CD247: variants seen among roughly 807,000 people sequenced by gnomAD.
CD247 encodes T-cell surface glycoprotein CD3 zeta chain.
Under a neutral mutation model 30.0 loss-of-function variants are expected in CD247, and 13 were observed. That is an observed-to-expected ratio of 0.43 (90% CI 0.28 to 0.69). CD247 has a LOEUF of 0.69. Ranked by LOEUF, CD247 falls within the 30% of genes least tolerant of loss-of-function variation. The pLI is 0.16. For missense variants in CD247, 193 were observed against 212.6 expected, an observed-to-expected ratio of 0.91 and a Z score of 0.57; for synonymous variants, 72 against 80.0, an observed-to-expected ratio of 0.90 and a Z score of 0.53.
At chr1:167,464,945 A>G (rs1489713971) in intron 1 of CD247, among the ~76,000 whole-genome samples, 1 of 152,142 alleles carries the variant, frequency 6.6e-6, no homozygotes, top group African/African-American at 2.4e-5. Flanking sequence ...ACAAAAAAAA[A>G]CTGCAGCAAC....
At chr1:167,497,961 C>T (rs1236689310) in intron 1 of CD247, among the ~76,000 whole-genome samples, 1 of 152,194 alleles carries the variant, frequency 6.6e-6, no homozygotes, top group Non-Finnish European at 1.5e-5. Flanking sequence ...ACGGCTTGAC[C>T]TCGGACTGTC....
intron 1 of CD247, among the ~76,000 whole-genome samples, chr1:167,462,135 A>T (rs1172061550): frequency 1.3e-5 from 2 of 152,214 alleles, no homozygotes; most frequent in Admixed American, 1.3e-4. Context: ...CCCAACCTGC[A>T]TGGAGCCCAG....
At chr1:167,509,602 C>T (rs1417894502) in intron 1 of CD247, among the ~76,000 whole-genome samples, 1 of 152,128 alleles carries the variant, frequency 6.6e-6, no homozygotes, top group Non-Finnish European at 1.5e-5. Context: ...TTTCCGCTGA[C>T]AGATAAATGT....
intron 3 of CD247, 110 bp from the exon 4 acceptor site, chr1:167,438,760 G>A (rs1651671167): frequency 7.0e-6 from 6 of 851,196 alleles, no homozygotes; most frequent in Non-Finnish European, 1.2e-5. Context: ...ATAAAAAGAG[G>A]GGCAGGGGCT....
At chr1:167,497,543 T>C (rs988914732) in intron 1 of CD247, among the ~76,000 whole-genome samples, 8 of 152,194 alleles carry the variant, frequency 5.3e-5, no homozygotes, top group African/African-American at 1.7e-4. Flanking sequence ...ATTACTACTT[T>C]CAGGGGGAGC....
At chr1:167,504,547 C>A (rs1287280102) in intron 1 of CD247, among the ~76,000 whole-genome samples, 1 of 152,244 alleles carries the variant, frequency 6.6e-6, no homozygotes, top group African/African-American at 2.4e-5. Flanking sequence ...AGTCTTCTCT[C>A]CCCAGCTGGC....
intron 1 of CD247, among the ~76,000 whole-genome samples, chr1:167,441,277 T>A (rs1213179330): frequency 4.6e-5 from 7 of 152,304 alleles, no homozygotes; most frequent in African/African-American, 1.7e-4. Context: ...GAATCTGGGT[T>A]AACTCTCCCC....
intron 1 of CD247, among the ~76,000 whole-genome samples, chr1:167,515,237 G>T (rs1194513976): frequency 1.3e-5 from 2 of 152,322 alleles, no homozygotes; most frequent in African/African-American, 4.8e-5. Flanking sequence ...AGCAATTTTA[G>T]CAAAGATTTA....
At chr1:167,452,747 G>C (rs560416594) in intron 1 of CD247, among the ~76,000 whole-genome samples, 2 of 152,136 alleles carry the variant, frequency 1.3e-5, no homozygotes, top group East Asian at 3.9e-4. Flanking sequence ...AACAATGACA[G>C]GCAAGTGATC....
intron 1 of CD247, among the ~76,000 whole-genome samples, chr1:167,469,233 C>G (rs951592990): frequency 2.6e-5 from 4 of 152,252 alleles, no homozygotes; most frequent in South Asian, 2.1e-4. Flanking sequence ...TCTGCCCCCC[C>G]TCAGCCTCCC....
chr1:167,479,517 G>A (rs1029346053), intron 1 of CD247, among the ~76,000 whole-genome samples: 2 of 152,046 alleles, frequency 1.3e-5, no homozygotes, highest in Middle Eastern at 3.2e-3. Context: ...CACACACTAC[G>A]GCCCAGCGGT....
At chr1:167,464,780 A>C (rs747907594) in intron 1 of CD247, among the ~76,000 whole-genome samples, 1 of 152,220 alleles carries the variant, frequency 6.6e-6, no homozygotes, top group South Asian at 2.1e-4. Flanking sequence ...TGAAACTTCA[A>C]TTGTCTCTGT....
At chr1:167,432,025 T>TGA (rs1199464004) in intron 7 of CD247, among the ~76,000 whole-genome samples, 6 of 152,206 alleles carry the variant, frequency 3.9e-5, no homozygotes, top group Non-Finnish European at 8.8e-5. Flanking sequence ...TGCTGTGCCT[T>TGA]ACAGTGCTTG....
chr1:167,434,207 G>T, intron 5 of CD247, 131 bp from the exon 6 acceptor site: 2 of 817,110 alleles, frequency 2.4e-6, no homozygotes, highest in South Asian at 1.3e-5. Flanking sequence ...CACAATCAAG[G>T]CTCCAAACCT....
At chr1:167,505,156 G>T (rs1655064232) in intron 1 of CD247, among the ~76,000 whole-genome samples, 1 of 151,672 alleles carries the variant, frequency 6.6e-6, no homozygotes, top group Admixed American at 6.6e-5. Context: ...TTAGAGACAG[G>T]GTCTTGCTCT....
At chr1:167,462,621 G>A (rs994487886) in intron 1 of CD247, among the ~76,000 whole-genome samples, 11 of 152,182 alleles carry the variant, frequency 7.2e-5, no homozygotes, top group African/African-American at 2.4e-4. Context: ...TTTGGGGGCC[G>A]ATCCCTGCTG....
Position 167,518,294 on chromosome 1 carries a change from G to A in CD247, c.58+114C>T, listed in dbSNP as rs934338913. On this transcript the variant is annotated intron_variant, in intron 1 of 7. Transcript: ENST00000362089. ...TCACTTGCCCATTGATTTGAGGAGGGCAGGATTTGAAGGAGACCCCAGCCC... is the reference window on the plus strand; with the variant it reads ...TCACTTGCCCATTGATTTGAGGAGGACAGGATTTGAAGGAGACCCCAGCCC... 3.1e-5 allele frequency: 29 copies of A among 947,120 alleles called. No homozygotes were observed. The Middle Eastern group carries it at 6.3e-4, about 20-fold the overall frequency. The allele number at this position is 947,120 out of a possible 1,614,324, so 58.7% of individuals were successfully genotyped here.
At chr1:167,451,987 T>G (rs2102011639) in intron 1 of CD247, among the ~76,000 whole-genome samples, 1 of 151,970 alleles carries the variant, frequency 6.6e-6, no homozygotes. Context: ...CTTTGGGAGG[T>G]GGAGGCGGGT....
intron 1 of CD247, chr1:167,459,620 T>G (rs1226598164): frequency 6.6e-6 from 1 of 152,242 alleles, no homozygotes; most frequent in Non-Finnish European, 1.5e-5. Context: ...CTCAAAGTGC[T>G]GGGATTATAG....
Sources: gnomAD v4.1 joint callset for allele counts (sites outside exome capture counted in the v4.1 genomes callset) on GRCh38, gnomAD v4.1.1 for gene constraint, MANE v1.5 for transcripts, NCBI Gene and HGNC (gene_info 2026-07-23, HGNC 2026-07-21) for gene names.